The following TMTC1 variants were observed in gnomAD, a reference collection of about 807,000 sequenced individuals.
TMTC1 encodes the protein protein O-mannosyl-transferase TMTC1.
Under a neutral mutation model 104.8 loss-of-function variants are expected in TMTC1, and 73 were observed. The ratio of observed to expected loss-of-function variants is 0.70; its 90% CI spans 0.58 to 0.85. TMTC1 has a LOEUF of 0.85. TMTC1 is among the 40% of genes least tolerant of loss of function. The pLI, the probability that TMTC1 is intolerant of heterozygous loss-of-function variation, is 0.00. For missense variants in TMTC1, 1,035 were observed against 1,096.1 expected, an observed-to-expected ratio of 0.94 and a Z score of 0.79; for synonymous variants, 434 against 428.7, an observed-to-expected ratio of 1.01 and a Z score of -0.15.
rs562610234 is a variant in TMTC1, at chr12:29,604,080, G to A, written c.1250+98C>T. ...ATAATAATATCCCTTGTCCCATGAG[G>A]ATCTAATGGTCTACACACAGAAGAC... On this transcript the variant is annotated intron_variant, in intron 7 of 17. Transcript: ENST00000539277. 3.8e-4 allele frequency: 555 copies of A among 1,474,846 alleles called. No homozygotes were observed. In the African/African-American group the frequency reaches 7.3e-3, roughly 19 times the overall value. 91.4% of individuals were successfully genotyped at this position (1,474,846 alleles called of 1,614,324 possible). A position where few individuals can be genotyped will look rare whatever the true frequency, so the allele number is the denominator to read the frequency against.
intron 5 of TMTC1, among the ~76,000 whole-genome samples, chr12:29,660,389 C>T (rs958246228): frequency 6.6e-6 from 1 of 152,080 alleles, no homozygotes; most frequent in African/African-American, 2.4e-5. Context: ...TCAGAAGAAC[C>T]GAAAAGCTGA....
intron 10 of TMTC1, among the ~76,000 whole-genome samples, chr12:29,545,649 A>T (rs1944922416): frequency 7.5e-6 from 1 of 133,682 alleles, no homozygotes; most frequent in Non-Finnish European, 1.7e-5. Context: ...ACACACACAC[A>T]CACACACACA....
At chr12:29,544,471 T>A (rs7977364) in intron 10 of TMTC1, among the ~76,000 whole-genome samples, 4,563 of 151,618 alleles carry the variant, frequency 0.03, 207 homozygotes, top group African/African-American at 0.1. Flanking sequence ...TGGCACAGAG[T>A]AGGTCCTGAG....
chr12:29,555,008 A>G (rs61582432), intron 10 of TMTC1, among the ~76,000 whole-genome samples: 4 of 152,276 alleles, frequency 2.6e-5, no homozygotes, highest in African/African-American at 9.6e-5. Context: ...ATGTTTCAGT[A>G]TACTAGGATC....
chr12:29,706,729 A>G lies in TMTC1; in HGVS notation c.938+44937T>C, dbSNP rs537270648. 3.3e-5 allele frequency among the ~76,000 whole-genome samples: 5 copies of G among 152,244 alleles called. No individual in the cohort carries two copies. The South Asian group carries it at 1.0e-3, about 32-fold the overall frequency. On this transcript the variant is annotated intron_variant, in intron 5 of 17. Transcript: ENST00000539277. The stretch of plus-strand genomic sequence containing the variant: ...TCTGGGGCTAGAATCAGCTTCCTGG[A>G]GTTTACTGTTAATTCTTTCAATGCC...
At chr12:29,780,975 A>T (rs911275218) in intron 1 of TMTC1, among the ~76,000 whole-genome samples, 51 of 152,248 alleles carry the variant, frequency 3.3e-4, no homozygotes, top group Non-Finnish European at 6.8e-4. Flanking sequence ...CTAAAATAAA[A>T]ATCATAAAGA....
At chr12:29,551,114 T>G (rs189862988) in intron 10 of TMTC1, among the ~76,000 whole-genome samples, 5 of 152,140 alleles carry the variant, frequency 3.3e-5, no homozygotes, top group Admixed American at 3.3e-4. Flanking sequence ...GGGGATAGAA[T>G]TTCATGCTAA....
intron 5 of TMTC1, among the ~76,000 whole-genome samples, chr12:29,675,613 CACACACACACACACACA>C (rs1565760051): frequency 0.051 from 4,617 of 90,942 alleles, 230 homozygotes; most frequent in African/African-American, 0.17. Flanking sequence ...CACACACACA[CACACACACACACACACA>C]CCCTCCATGA....
At chr12:29,715,987 G>GGAT (rs1555191335) in intron 5 of TMTC1, among the ~76,000 whole-genome samples, 1 of 130,170 alleles carries the variant, frequency 7.7e-6, no homozygotes, top group African/African-American at 3.0e-5. Context: ...GCCAAACTCA[G>GGAT]TATTATTATT....
intron 5 of TMTC1, among the ~76,000 whole-genome samples, chr12:29,719,477 G>C (rs1269996478): frequency 1.3e-5 from 2 of 152,148 alleles, no homozygotes; most frequent in Non-Finnish European, 2.9e-5. Flanking sequence ...ATGCTGGCTG[G>C]TTTGTGATTA....
chr12:29,725,011 G>GTTTTTT (rs879602127), intron 5 of TMTC1, among the ~76,000 whole-genome samples: 3,075 of 115,150 alleles, frequency 0.027, 414 homozygotes, highest in East Asian at 0.059. Flanking sequence ...TATCTGCCAA[G>GTTTTTT]TTCTTTTTTT....
intron 6 of TMTC1, among the ~76,000 whole-genome samples, chr12:29,629,050 T>C (rs1483454822): frequency 6.6e-6 from 1 of 151,766 alleles, no homozygotes; most frequent in African/African-American, 2.4e-5. Context: ...CCGGGCACGG[T>C]GGCTCACATC....
intron 9 of TMTC1, among the ~76,000 whole-genome samples, chr12:29,567,195 G>A (rs1005599926): frequency 3.3e-5 from 5 of 152,184 alleles, no homozygotes; most frequent in Admixed American, 6.5e-5. Context: ...TGGTGTTCCC[G>A]AGGGTGCTCC....
intron 4 of TMTC1, among the ~76,000 whole-genome samples, chr12:29,753,438 T>C (rs920604678): frequency 1.3e-5 from 2 of 152,226 alleles, no homozygotes; most frequent in African/African-American, 4.8e-5. Context: ...CCTGTGAATC[T>C]GGAGCCACGC....
chr12:29,546,412 G>C (rs977872741), intron 10 of TMTC1, among the ~76,000 whole-genome samples: 1 of 152,096 alleles, frequency 6.6e-6, no homozygotes, highest in African/African-American at 2.4e-5. Context: ...ACAAATGGGA[G>C]GGAGGTTGGC....
At chr12:29,757,836 C>T (rs1432552601) in intron 3 of TMTC1, among the ~76,000 whole-genome samples, 1 of 152,098 alleles carries the variant, frequency 6.6e-6, no homozygotes, top group Non-Finnish European at 1.5e-5. Context: ...AGGGAATCTC[C>T]CATTTTTAAA....
rs1200468636 is a variant in TMTC1, at chr12:29,613,578, C to T, written c.1129-9279G>A. Among the ~76,000 whole-genome samples, 3 of 152,112 alleles carry T rather than the reference C, an allele frequency of 2.0e-5. No individual in the cohort carries two copies. In the South Asian group the frequency reaches 6.2e-4, roughly 32 times the overall value. ...ACCTAGTGTGGAAGAGAGATAGGAG[C>T]GCTTAATCATTTTATTCCCTCTCTA... is the stretch of plus-strand genomic sequence containing the variant. On this transcript the variant is annotated intron_variant, in intron 6 of 17. Coordinates refer to ENST00000539277, the MANE Select transcript of TMTC1 (RefSeq NM_001193451.2).
intron 6 of TMTC1, among the ~76,000 whole-genome samples, chr12:29,628,951 T>A (rs1210400569): frequency 6.6e-6 from 1 of 152,100 alleles, no homozygotes; most frequent in Non-Finnish European, 1.5e-5. Flanking sequence ...CATCAGAGAC[T>A]GCGCCCGGCC....
At chr12:29,758,902 C>T in intron 2 of TMTC1, 125 bp from the exon 3 acceptor site, 4 of 819,218 alleles carry the variant, frequency 4.9e-6, no homozygotes, top group Non-Finnish European at 7.3e-6. Context: ...ATAGAAATCT[C>T]ACTGTTCTTC....
Sources: allele counts gnomAD v4.1 joint callset (sites outside exome capture counted in the v4.1 genomes callset), GRCh38; gene constraint gnomAD v4.1.1; transcripts MANE v1.5; gene names NCBI Gene and HGNC (gene_info 2026-07-23, HGNC 2026-07-21).